The following ARHGEF33 variants were observed in gnomAD, a reference collection of about 807,000 sequenced individuals.
ARHGEF33 encodes DH and coiled-coil domain-containing protein ENSP00000381780.
ARHGEF33 carries 72 observed loss-of-function variants against 101.9 expected under a neutral mutation model. That is an observed-to-expected ratio of 0.71 (90% CI 0.58 to 0.86). ARHGEF33 has a LOEUF of 0.86. ARHGEF33 is among the 40% of genes least tolerant of loss of function. ARHGEF33 has a pLI of 0.00. For synonymous variants in ARHGEF33, 499 were observed against 442.5 expected, an observed-to-expected ratio of 1.13 and a Z score of -1.60; for missense variants, 1,169 against 1,111.3, an observed-to-expected ratio of 1.05 and a Z score of -0.74.
rs143165260 is a variant in ARHGEF33 at position 38,928,023 on chromosome 2, C to T, written c.76-884C>T. Among the ~76,000 whole-genome samples the T allele has an allele frequency of 1.1e-3, 169 of 152,224 alleles. 1 individual carries two copies. The East Asian group carries it at 0.028, about 25-fold the overall frequency. On this transcript the variant is annotated intron_variant, in intron 4 of 17. Transcript: ENST00000409978. ...CTTGAACATCTGTGTACCAAGTATG[C>T]GCTATGGTAGGCAGCTTACCTACAT...
At position 38,960,529 on chromosome 2, in the gene ARHGEF33, C is replaced by G. The variant is rs1471877344; in HGVS notation, c.2224C>G (p.Arg742Gly). Residue 742 changes from arginine (R) to glycine (G), a missense_variant, in exon 16 of 18, where the codon CGC (arginine) becomes GGC (glycine). Arg to Gly is a moderately radical substitution (Grantham distance 125). Transcript: ENST00000409978. ...SGGRAPIKAERAAQAHGPAAA... is the reference protein window; with the variant it reads ...SGGRAPIKAEGAAQAHGPAAA... ...CGGCCGCGCGCCCATCAAGGCCGAG[C>G]GCGCCGCGCAGGCGCACGGCCCGGC... The G allele has an allele frequency of 8.0e-7, 1 of 1,257,440 alleles. No individual in the cohort carries two copies. Among genetic ancestry groups the G allele is most frequent in the East Asian group, 3.3e-5 (1 of 29,952 alleles). The allele number at this position is 1,257,440 out of a possible 1,614,324, so 77.9% of individuals were successfully genotyped here.
At chr2:38,896,287 C>T (rs183932768) in intron 2 of ARHGEF33, among the ~76,000 whole-genome samples, 97 of 152,194 alleles carry the variant, frequency 6.4e-4, no homozygotes, top group African/African-American at 2.2e-3. Flanking sequence ...TACAGGCTCA[C>T]GCCACCATGC....
chr2:38,929,863 A>G, intron 6 of ARHGEF33, 33 bp downstream of exon 6: 2 of 1,545,688 alleles, frequency 1.3e-6, no homozygotes, highest in East Asian at 2.4e-5. Context: ...CCAAAGGCAA[A>G]CCCATAAGCA....
intron 4 of ARHGEF33, among the ~76,000 whole-genome samples, chr2:38,921,749 G>A (rs991949788): frequency 6.6e-6 from 1 of 152,156 alleles, no homozygotes; most frequent in African/African-American, 2.4e-5. Flanking sequence ...TGAAAGACAA[G>A]TTATCTCATT....
In ARHGEF33 at chr2:38,956,968, C is replaced by T. The variant is rs1667784053; in HGVS notation, c.1291C>T (p.Arg431Ter). Residue 431 changes from arginine to a stop codon, truncating the protein, a stop_gained, in exon 14 of 18, where the codon CGA becomes TGA. Transcript: ENST00000409978. LOFTEE classifies it high-confidence loss of function. ...YLLLVCVQRLRVFISHYTLLF... is the reference protein window; with the variant it reads ...YLLLVCVQRL Reference sequence around the variant, plus strand: ...ACTACTGGTGTGTGTCCAGCGCCTCCGAGTATTTATCTCACACTACACCCT... The same window carrying T: ...ACTACTGGTGTGTGTCCAGCGCCTCTGAGTATTTATCTCACACTACACCCT... 1.3e-6 allele frequency: 2 copies of T among 1,552,270 alleles called. No individual in the cohort carries two copies. The highest frequency in any genetic ancestry group is 2.4e-5 in the South Asian group (2 of 84,058).
intron 4 of ARHGEF33, among the ~76,000 whole-genome samples, chr2:38,926,205 A>G (rs1258074317): frequency 6.6e-6 from 1 of 152,186 alleles, no homozygotes; most frequent in East Asian, 1.9e-4. Context: ...TAACCTCTCT[A>G]GAGCAGCTTC....
chr2:38,900,154 C>T (rs1326819233), intron 2 of ARHGEF33, among the ~76,000 whole-genome samples: 10 of 152,236 alleles, frequency 6.6e-5, no homozygotes, highest in African/African-American at 1.7e-4. Flanking sequence ...ATTATACCAC[C>T]GCATTCGCTC....
At position 38,974,915 on chromosome 2, in the gene ARHGEF33, GCT is replaced by G. The variant is rs1668243457; in HGVS notation, c.*1075_*1076del. On this transcript the variant is annotated 3_prime_UTR_variant, in exon 18 of 18. Transcript: ENST00000409978. ...GCCTGGCTCTGGGGTGATAAAATGT[GCT>G]CTGTTTCCACATGGATATGTGCAAG... The G allele has an allele frequency of 6.6e-6, 1 of 152,158 alleles. No individual in the cohort carries two copies. The highest frequency in any genetic ancestry group is 1.5e-5 in the Non-Finnish European group (1 of 68,036). The allele number at this position is 152,158 out of a possible 1,614,324, so 9.4% of individuals were successfully genotyped here. A position where few individuals can be genotyped will look rare whatever the true frequency, so the allele number is the denominator to read the frequency against.
intron 10 of ARHGEF33, among the ~76,000 whole-genome samples, chr2:38,950,342 A>C (rs1285666871): frequency 6.6e-6 from 1 of 152,268 alleles, no homozygotes; most frequent in Non-Finnish European, 1.5e-5. Flanking sequence ...TCAAATAGGA[A>C]TAGCTCTAAA....
intron 1 of ARHGEF33, among the ~76,000 whole-genome samples, chr2:38,894,855 A>G (rs1315556729): frequency 2.0e-5 from 3 of 152,226 alleles, no homozygotes; most frequent in Non-Finnish European, 2.9e-5. Context: ...CTGGGTGGCA[A>G]CTAGCAGTGT....
intron 17 of ARHGEF33, among the ~76,000 whole-genome samples, chr2:38,968,179 G>A (rs1482875823): frequency 6.6e-6 from 1 of 152,132 alleles, no homozygotes; most frequent in Non-Finnish European, 1.5e-5. Flanking sequence ...AGAACTAGGA[G>A]CAGTGGCTAA....
At chr2:38,897,310 T>C (rs1005926905) in intron 2 of ARHGEF33, among the ~76,000 whole-genome samples, 8 of 152,244 alleles carry the variant, frequency 5.3e-5, no homozygotes, top group African/African-American at 1.9e-4. Flanking sequence ...TCCATACTTT[T>C]CACAGTATCA....
At chr2:38,969,125 T>C (rs543568003) in intron 17 of ARHGEF33, among the ~76,000 whole-genome samples, 18 of 152,306 alleles carry the variant, frequency 1.2e-4, no homozygotes, top group Admixed American at 9.1e-4. Flanking sequence ...GAACTTGCAC[T>C]CTGAAGTCAG....
At chr2:38,973,693 A>T in intron 17 of ARHGEF33, 21 bp from the exon 18 acceptor site, 1 of 1,512,456 alleles carries the variant, frequency 6.6e-7, no homozygotes, top group South Asian at 1.3e-5. Flanking sequence ...CCTGTACTTT[A>T]TCTGTGTGCT....
In ARHGEF33 at chr2:38,901,676, C is replaced by T. The variant is rs931710929; in HGVS notation, c.-86+5827C>T. On this transcript the variant is annotated intron_variant, in intron 2 of 17. Coordinates refer to ENST00000409978, the MANE Select transcript of ARHGEF33 (RefSeq NM_001145451.5). ...AGCAATAATCACCACTGGAGTCTTA[C>T]GGTCGTTCCAGAGACTAAGCCAGCA... 3.9e-5 allele frequency among the ~76,000 whole-genome samples: 6 copies of T among 152,250 alleles called. No homozygotes were observed. The South Asian group carries it at 8.3e-4, about 21-fold the overall frequency.
intron 9 of ARHGEF33, among the ~76,000 whole-genome samples, chr2:38,937,803 C>G (rs1039972974): frequency 6.6e-6 from 1 of 152,136 alleles, no homozygotes. Context: ...GTGCTGTGGG[C>G]GGGAGGGGGA....
intron 2 of ARHGEF33, among the ~76,000 whole-genome samples, chr2:38,899,081 G>C (rs1666185271): frequency 6.6e-6 from 1 of 151,578 alleles, no homozygotes; most frequent in Admixed American, 6.6e-5. Flanking sequence ...ATAAACTTCT[G>C]TGGTTTTTTT....
In ARHGEF33 at chr2:38,960,569, CCGCCCGCGG is replaced by C; in HGVS notation, c.2268_2276del (p.Arg757_Ala759del). On this transcript the variant is annotated inframe_deletion, in exon 16 of 18. Coordinates refer to ENST00000409978, the MANE Select transcript of ARHGEF33 (RefSeq NM_001145451.5). ...CACGGCCCGGCCGCCGCCGCCGTCG[CCGCCCGCGG>C]CGCATCCAGGACCTTCTTCCCCCAA... 7.8e-7 allele frequency: 1 copy of C among 1,281,286 alleles called. No homozygotes were observed. Among genetic ancestry groups the C allele is most frequent in the Non-Finnish European group, 1.0e-6 (1 of 996,286 alleles). The allele number at this position is 1,281,286 out of a possible 1,614,324, so 79.4% of individuals were successfully genotyped here. A position where few individuals can be genotyped will look rare whatever the true frequency, so the allele number is the denominator to read the frequency against.
Position 38,974,706 on chromosome 2 carries a change from A to G in ARHGEF33, c.*863A>G, listed in dbSNP as rs1005806814. ...CAGTGATTTAGCCACATCTTGTTAA[A>G]AAGACTTTCTGCAGCCTGAAAAGAA... On this transcript the variant is annotated 3_prime_UTR_variant, in exon 18 of 18. Coordinates refer to ENST00000409978, the MANE Select transcript of ARHGEF33 (RefSeq NM_001145451.5). 6.6e-6 allele frequency: 1 copy of G among 152,242 alleles called. No individual in the cohort carries two copies. The highest frequency in any genetic ancestry group is 2.4e-5 in the African/African-American group (1 of 41,458). The allele number at this position is 152,242 out of a possible 1,614,324, so 9.4% of individuals were successfully genotyped here. A position where few individuals can be genotyped will look rare whatever the true frequency, so the allele number is the denominator to read the frequency against.
Sources: allele counts gnomAD v4.1 joint callset (sites outside exome capture counted in the v4.1 genomes callset), GRCh38; gene constraint gnomAD v4.1.1; transcripts MANE v1.5; gene names NCBI Gene and HGNC (gene_info 2026-07-23, HGNC 2026-07-21).